Variants in SGPP2 observed in about 807,000 individuals in gnomAD.
The protein encoded by SGPP2 is sphingosine 1-phosphate phosphohydrolase 2.
Under a neutral mutation model 33.9 loss-of-function variants are expected in SGPP2, and 30 were observed. The observed-to-expected ratio is 0.89, with a 90% CI of 0.66 to 1.20. The LOEUF (loss-of-function observed/expected upper bound fraction) is 1.20, where lower values mean the gene tolerates loss of function less well. SGPP2 is among the 50% of genes most tolerant of loss of function. The probability of loss-of-function intolerance (pLI) is 0.00; values close to 1 mark genes in which losing one functional copy is unlikely to be tolerated. For missense variants in SGPP2, 458 were observed against 532.1 expected, an observed-to-expected ratio of 0.86 and a Z score of 1.37; for synonymous variants, 233 against 225.0, an observed-to-expected ratio of 1.04 and a Z score of -0.32.
chr2:222,448,066 A>G (rs4257389), intron 1 of SGPP2, among the ~76,000 whole-genome samples: 116,622 of 152,056 alleles, frequency 0.77, 44,885 homozygotes, highest in Middle Eastern at 0.88. Context: ...TATTCGGCAG[A>G]ACCTTGCTTA....
chr2:222,509,430 C>CTCTT lies in SGPP2; in HGVS notation c.379-12337_379-12336insTCTT, dbSNP rs1431523629. Among the ~76,000 whole-genome samples the CTCTT allele has an allele frequency of 1.1e-3, 175 of 152,254 alleles. 1 individual carries two copies. Among genetic ancestry groups the CTCTT allele is most frequent in the Non-Finnish European group, 7.6e-4 (52 of 68,012 alleles). ...ATTTTGATAAGAGCAATATTTTAGGCATTAATAAATATAATGTAGCTTTTA... is the reference window on the plus strand; with the variant it reads ...ATTTTGATAAGAGCAATATTTTAGGCTCTTATTAATAAATATAATGTAGCTTTTA... On this transcript the variant is annotated intron_variant, in intron 2 of 4. Transcript: ENST00000321276.
chr2:222,438,500 G>A (rs1697278048), intron 1 of SGPP2, among the ~76,000 whole-genome samples: 1 of 152,236 alleles, frequency 6.6e-6, no homozygotes, highest in African/African-American at 2.4e-5. Flanking sequence ...TATATTGCTG[G>A]CCTTGCCAGC....
intron 1 of SGPP2, among the ~76,000 whole-genome samples, chr2:222,459,058 A>AG (rs1364183390): frequency 2.7e-5 from 4 of 150,480 alleles, no homozygotes; most frequent in African/African-American, 9.7e-5. Context: ...AGTCTTGGGT[A>AG]GGGCCTGAAA....
intron 1 of SGPP2, among the ~76,000 whole-genome samples, chr2:222,433,059 AAG>A (rs1440641360): frequency 1.7e-5 from 2 of 118,132 alleles, no homozygotes; most frequent in East Asian, 5.5e-4. Flanking sequence ...AAGAGAGAGA[AAG>A]AGAGGAGAGA....
intron 2 of SGPP2, among the ~76,000 whole-genome samples, chr2:222,514,831 G>A (rs1325319108): frequency 6.6e-6 from 1 of 152,112 alleles, no homozygotes; most frequent in Non-Finnish European, 1.5e-5. Flanking sequence ...TGACCAGAAT[G>A]TCCCCCAGGA....
chr2:222,462,778 A>G (rs1369260166), intron 1 of SGPP2, among the ~76,000 whole-genome samples: 2 of 152,128 alleles, frequency 1.3e-5, no homozygotes, highest in East Asian at 3.9e-4. Context: ...TGGAACTTCC[A>G]TGATGTTCTC....
In SGPP2 at chr2:222,524,974, G is replaced by T. The variant is rs148316473; in HGVS notation, c.589G>T (p.Val197Leu). 3.7e-6 allele frequency: 6 copies of T among 1,614,002 alleles called. No homozygotes were observed. The African/African-American group carries it at 6.7e-5, about 18-fold the overall frequency. ...ATTTGTGTTGGGACTGGTGATGGCCGTGGTGTTTTCCACCTTGGTGTGTCT... is the reference window on the plus strand; with the variant it reads ...ATTTGTGTTGGGACTGGTGATGGCCTTGGTGTTTTCCACCTTGGTGTGTCT... ...YPFVLGLVMAVVFSTLVCLSR... is the reference protein window; with the variant it reads ...YPFVLGLVMALVFSTLVCLSR... The change falls in exon 4 of 5, where the codon GTG becomes TTG. Residue 197 changes from valine to leucine, a missense_variant. Val to Leu is a conservative substitution (Grantham distance 32). Transcript: ENST00000321276.
At chr2:222,501,116 C>T (rs1469094094) in intron 2 of SGPP2, among the ~76,000 whole-genome samples, 1 of 152,172 alleles carries the variant, frequency 6.6e-6, no homozygotes, top group Admixed American at 6.5e-5. Flanking sequence ...GCTTTCTCAA[C>T]CAAAGACCCT....
At chr2:222,452,586 T>C (rs1380727654) in intron 1 of SGPP2, 2 of 1,277,098 alleles carry the variant, frequency 1.6e-6, no homozygotes, top group East Asian at 2.3e-5. Flanking sequence ...TCCACAGTTA[T>C]AGAAGGGACT....
intron 4 of SGPP2, among the ~76,000 whole-genome samples, chr2:222,549,883 CTTT>C (rs751034613): frequency 4.4e-5 from 6 of 137,632 alleles, no homozygotes; most frequent in Admixed American, 7.4e-5. Context: ...CTTTTCTTTT[CTTT>C]TTTTTTTTTT....
chr2:222,502,958 T>G, intron 2 of SGPP2, among the ~76,000 whole-genome samples: 1 of 152,202 alleles, frequency 6.6e-6, no homozygotes, highest in Non-Finnish European at 1.5e-5. Context: ...AATAAGAACT[T>G]GAAGTATTCT....
At chr2:222,514,598 G>A (rs1232725935) in intron 2 of SGPP2, among the ~76,000 whole-genome samples, 1 of 142,464 alleles carries the variant, frequency 7.0e-6, no homozygotes, top group Admixed American at 7.5e-5. Flanking sequence ...TTCATAACCT[G>A]CAAGAAAATA....
rs960466244 is a variant in SGPP2, at chr2:222,476,775, C to T, written c.378+2049C>T. On this transcript the variant is annotated intron_variant, in intron 2 of 4. Transcript: ENST00000321276. This position sits in a 1 kb window ranked among gnomAD's most constrained non-coding sequence, Gnocchi z 4.3. ...GTATGTATATAGGTGTGTATATATG[C>T]GTATGTGTGTATACAGGTGTGTGTA... 1.3e-4 allele frequency among the ~76,000 whole-genome samples: 19 copies of T among 148,704 alleles called. No individual in the cohort carries two copies. Among genetic ancestry groups the T allele is most frequent in the Non-Finnish European group, 2.1e-4 (14 of 67,120 alleles).
In SGPP2 at chr2:222,434,333, C is replaced by T. The variant is rs1697203080; in HGVS notation, c.219+9512C>T. 2.6e-5 allele frequency among the ~76,000 whole-genome samples: 4 copies of T among 152,128 alleles called. No homozygotes were observed. In the South Asian group the frequency reaches 6.2e-4, roughly 24 times the overall value. ...AATAATTGTATATGTTTATGGGGCA[C>T]AGCGCAATATCTCAGCACGTAGGTG... On this transcript the variant is annotated intron_variant, in intron 1 of 4. Transcript: ENST00000321276.
chr2:222,478,203 A>C, intron 2 of SGPP2, among the ~76,000 whole-genome samples: 1 of 31,012 alleles, frequency 3.2e-5, no homozygotes, highest in African/African-American at 1.3e-4. Context: ...GGAGGGAGGG[A>C]GGGGGAGAGG....
At chr2:222,489,490 T>C (rs1698164537) in intron 2 of SGPP2, among the ~76,000 whole-genome samples, 1 of 152,072 alleles carries the variant, frequency 6.6e-6, no homozygotes, top group Admixed American at 6.5e-5. Context: ...CAGGACTTTG[T>C]CTTTTTGGAG....
At chr2:222,502,477 A>G (rs1698381918) in intron 2 of SGPP2, among the ~76,000 whole-genome samples, 1 of 152,204 alleles carries the variant, frequency 6.6e-6, no homozygotes, top group South Asian at 2.1e-4. Flanking sequence ...GGATATTTGC[A>G]TTTAGCATTC....
At chr2:222,467,567 T>C (rs567385364) in intron 1 of SGPP2, among the ~76,000 whole-genome samples, 62 of 152,198 alleles carry the variant, frequency 4.1e-4, no homozygotes, top group African/African-American at 1.4e-3. Flanking sequence ...GCCTCTAGCA[T>C]CCATTTCCCT....
intron 2 of SGPP2, among the ~76,000 whole-genome samples, chr2:222,480,815 A>G (rs1440441760): frequency 2.6e-5 from 4 of 152,218 alleles, no homozygotes; most frequent in Non-Finnish European, 5.9e-5. Context: ...TTCCATGCGT[A>G]TATTCATTGC....
Sources: allele counts gnomAD v4.1 joint callset (sites outside exome capture counted in the v4.1 genomes callset), GRCh38; gene constraint gnomAD v4.1.1; non-coding constraint Gnocchi (gnomAD v3.1); transcripts MANE v1.5; gene names NCBI Gene and HGNC (gene_info 2026-07-23, HGNC 2026-07-21).